Variants in RETREG1 observed in about 807,000 individuals in gnomAD.
RETREG1 encodes family with sequence similarity 134 member B.
Under a neutral mutation model 54.8 loss-of-function variants are expected in RETREG1, and 44 were observed. That is an observed-to-expected ratio of 0.80 (90% CI 0.63 to 1.03). The LOEUF is 1.03. RETREG1 is among the 50% of genes least tolerant of loss of function. The pLI, the probability that RETREG1 is intolerant of heterozygous loss-of-function variation, is 0.00. For missense variants in RETREG1, 554 were observed against 605.1 expected (o/e 0.92, Z 0.89); for synonymous variants, 217 against 238.5 (o/e 0.91, Z 0.83).
In RETREG1 at chr5:16,489,082, CAAAAAAAAAAAAAAA is replaced by C. The variant is rs567475517; in HGVS notation, c.459-5625_459-5611del. Among the ~76,000 whole-genome samples, 89 of 62,976 alleles carry C rather than the reference CAAAAAAAAAAAAAAA, an allele frequency of 1.4e-3. 1 individual carries two copies. Among genetic ancestry groups the C allele is most frequent in the Non-Finnish European group, 2.2e-3 (78 of 35,306 alleles). The allele number at this position is 62,976 out of a possible 152,430, so 41.3% of individuals were successfully genotyped here. A position where few individuals can be genotyped will look rare whatever the true frequency, so the allele number is the denominator to read the frequency against. On this transcript the variant is annotated intron_variant, in intron 3 of 8. Transcript: ENST00000306320. ...TGGGCAACAGAGCGAGATTCTGTCT[CAAAAAAAAAAAAAAA>C]AAAAAAAAAAAAAAAAAAGCAGACC...
intron 1 of RETREG1, among the ~76,000 whole-genome samples, chr5:16,599,360 T>G (rs1236394424): frequency 6.6e-6 from 1 of 152,232 alleles, no homozygotes; most frequent in Non-Finnish European, 1.5e-5. Context: ...AGACACATAT[T>G]ACTACTCAGT....
intron 4 of RETREG1, 91 bp from the exon 5 acceptor site, chr5:16,481,184 G>T: frequency 1.0e-6 from 1 of 986,858 alleles, no homozygotes; most frequent in South Asian, 1.3e-5. Flanking sequence ...AATCTATAGT[G>T]ACCGGTATAA....
In RETREG1 at chr5:16,512,166, C is replaced by G. The variant is rs569661127; in HGVS notation, c.459-28694G>C. ...CCTGAAACCTACTAGACATCTAGAACTTAAGGACTCACAGAATTCAGATGT... is the reference window on the plus strand; with the variant it reads ...CCTGAAACCTACTAGACATCTAGAAGTTAAGGACTCACAGAATTCAGATGT... On this transcript the variant is annotated intron_variant, in intron 3 of 8. Transcript: ENST00000306320. Among the ~76,000 whole-genome samples the G allele has an allele frequency of 3.9e-4, 59 of 152,330 alleles. 1 individual carries two copies. The highest frequency in any genetic ancestry group is 9.1e-4 in the Admixed American group (14 of 15,302).
chr5:16,606,974 C>T (rs1355881642), intron 1 of RETREG1, among the ~76,000 whole-genome samples: 6 of 152,158 alleles, frequency 3.9e-5, no homozygotes, highest in Non-Finnish European at 7.4e-5. Flanking sequence ...CCCAATCCCA[C>T]TCCCACCCCA....
At chr5:16,548,442 AAAGCC>A (rs1432312978) in intron 3 of RETREG1, among the ~76,000 whole-genome samples, 1 of 152,232 alleles carries the variant, frequency 6.6e-6, no homozygotes, top group East Asian at 1.9e-4. Flanking sequence ...CCCAAATCTT[AAAGCC>A]AAGTCCAGCC....
chr5:16,500,970 G>A (rs887720793), intron 3 of RETREG1, among the ~76,000 whole-genome samples: 14 of 152,100 alleles, frequency 9.2e-5, no homozygotes, highest in South Asian at 4.2e-4. Context: ...TAGACCACAC[G>A]TTAAGGACCT....
At position 16,492,229 on chromosome 5, in the gene RETREG1, T is replaced by TCTCA. The variant is rs1406702350; in HGVS notation, c.459-8758_459-8757insTGAG. 2.4e-3 allele frequency among the ~76,000 whole-genome samples: 266 copies of TCTCA among 110,614 alleles called. 2 individuals are homozygous for TCTCA. The highest frequency in any genetic ancestry group is 7.6e-3 in the Admixed American group (68 of 8,964). 72.6% of individuals were successfully genotyped at this position (110,614 alleles called of 152,430 possible). Reference sequence around the variant, plus strand: ...CTCTCTCTCTCTCTCTCTCTCTCTCTCACACACACACACACACACACACCA... The same window carrying TCTCA: ...CTCTCTCTCTCTCTCTCTCTCTCTCTCTCACACACACACACACACACACACACCA... On this transcript the variant is annotated intron_variant, in intron 3 of 8. Coordinates refer to ENST00000306320, the MANE Select transcript of RETREG1 (RefSeq NM_001034850.3).
In RETREG1 at chr5:16,561,537, AC is replaced by A. The variant is rs966352559; in HGVS notation, c.458+4225del. Among the ~76,000 whole-genome samples, 2 of 151,360 alleles carry A rather than the reference AC, an allele frequency of 1.3e-5. No individual in the cohort carries two copies. The highest frequency in any genetic ancestry group is 6.6e-5 in the Admixed American group (1 of 15,256). ...TAAAATAAATAAAATAAAATAAAAT[AC>A]AAATACAAATAAATGGTATTTCCAG... is the stretch of plus-strand genomic sequence containing the variant. On this transcript the variant is annotated intron_variant, in intron 3 of 8. Coordinates refer to ENST00000306320, the MANE Select transcript of RETREG1 (RefSeq NM_001034850.3). The surrounding 1 kb of genome is among the most constrained non-coding windows in gnomAD (Gnocchi z 4.2).
intron 3 of RETREG1, among the ~76,000 whole-genome samples, chr5:16,494,278 G>T (rs60797452): frequency 1.5e-3 from 232 of 152,212 alleles, no homozygotes; most frequent in African/African-American, 5.5e-3. Context: ...CAGTATGCAG[G>T]GAAGATGGGT....
At chr5:16,481,965 G>T (rs1414016982) in intron 4 of RETREG1, among the ~76,000 whole-genome samples, 4 of 151,982 alleles carry the variant, frequency 2.6e-5, no homozygotes, top group Non-Finnish European at 4.4e-5. Flanking sequence ...AATTCATTAA[G>T]GGAGTTTCTA....
intron 3 of RETREG1, among the ~76,000 whole-genome samples, chr5:16,527,861 C>G (rs1382531032): frequency 1.6e-5 from 2 of 121,926 alleles, no homozygotes; most frequent in African/African-American, 6.2e-5. Flanking sequence ...CCAGATTGGA[C>G]TGCAGTGGCA....
intron 7 of RETREG1, 122 bp from the exon 8 acceptor site, chr5:16,477,910 G>GAA: frequency 1.4e-6 from 2 of 1,411,260 alleles, no homozygotes; most frequent in African/African-American, 2.9e-5. Context: ...TTTTTATTTT[G>GAA]AAATCATTCA....
rs893916029 is a variant in RETREG1 at position 16,616,436 on chromosome 5, C to T, written c.320+216G>A. ...CCTCGCATCTGAGGCTGGATCCGCA[C>T]ACGGAGAACGACAACTGCTCACAGG... is the stretch of plus-strand genomic sequence containing the variant. On this transcript the variant is annotated intron_variant, in intron 1 of 8. Transcript: ENST00000306320. The T allele has an allele frequency of 3.5e-6, 3 of 848,650 alleles. No homozygotes were observed. In the African/African-American group the frequency reaches 5.4e-5, roughly 15 times the overall value. 52.6% of individuals were successfully genotyped at this position (848,650 alleles called of 1,614,324 possible).
chr5:16,517,899 A>T (rs1223024781), intron 3 of RETREG1, among the ~76,000 whole-genome samples: 2 of 152,112 alleles, frequency 1.3e-5, no homozygotes, highest in African/African-American at 4.8e-5. Flanking sequence ...CTAGAGGTCT[A>T]TCAGTAAGAG....
intron 3 of RETREG1, among the ~76,000 whole-genome samples, chr5:16,557,095 G>T (rs1741730548): frequency 6.6e-6 from 1 of 152,172 alleles, no homozygotes; most frequent in South Asian, 2.1e-4. Flanking sequence ...CTCCCATAGT[G>T]CTGGCATTAA....
intron 1 of RETREG1, among the ~76,000 whole-genome samples, chr5:16,607,162 G>C (rs1388495274): frequency 6.6e-6 from 1 of 152,068 alleles, no homozygotes; most frequent in Non-Finnish European, 1.5e-5. Flanking sequence ...CCTTGCTTTA[G>C]TTTTCTTCAT....
intron 1 of RETREG1, among the ~76,000 whole-genome samples, chr5:16,582,877 G>A (rs1292420804): frequency 6.6e-6 from 1 of 152,126 alleles, no homozygotes; most frequent in Non-Finnish European, 1.5e-5. Context: ...TTTACTCTTG[G>A]GTAAGCCAGC....
At chr5:16,614,480 C>T (rs1439549671) in intron 1 of RETREG1, among the ~76,000 whole-genome samples, 1 of 152,148 alleles carries the variant, frequency 6.6e-6, no homozygotes, top group African/African-American at 2.4e-5. Context: ...GTCTTTTTCA[C>T]CTATCAGATT....
intron 1 of RETREG1, among the ~76,000 whole-genome samples, chr5:16,604,007 T>C (rs1743118963): frequency 6.6e-6 from 1 of 152,114 alleles, no homozygotes; most frequent in South Asian, 2.1e-4. Flanking sequence ...TGGAATCCTC[T>C]ACAGGGATGA....
Sources: gnomAD v4.1 joint callset for allele counts (sites outside exome capture counted in the v4.1 genomes callset) on GRCh38, gnomAD v4.1.1 for gene constraint, Gnocchi (gnomAD v3.1) non-coding constraint, MANE v1.5 for transcripts, NCBI Gene and HGNC (gene_info 2026-07-23, HGNC 2026-07-21) for gene names.